HEATR5A: variants seen among roughly 807,000 people sequenced by gnomAD.
HEATR5A encodes HEAT repeat-containing protein 5A.
HEATR5A carries 178 observed loss-of-function variants against 218.8 expected under a neutral mutation model. The ratio of observed to expected loss-of-function variants is 0.81; its 90% CI spans 0.72 to 0.92. HEATR5A has a LOEUF of 0.92. Ranked by LOEUF, HEATR5A falls within the 40% of genes least tolerant of loss-of-function variation. The pLI, the probability that HEATR5A is intolerant of heterozygous loss-of-function variation, is 0.00. For missense variants in HEATR5A, 2,420 were observed against 2,418.9 expected (o/e 1.00, Z -0.01); for synonymous variants, 864 against 871.6 (o/e 0.99, Z 0.15).
intron 33 of HEATR5A, among the ~76,000 whole-genome samples, chr14:31,298,408 A>AT (rs1159783739): frequency 1.3e-5 from 2 of 152,200 alleles, no homozygotes; most frequent in South Asian, 4.2e-4. Flanking sequence ...AACACAACCC[A>AT]TTTTTTTGTG....
intron 13 of HEATR5A, among the ~76,000 whole-genome samples, chr14:31,365,581 C>T (rs896170229): frequency 3.3e-5 from 5 of 150,016 alleles, no homozygotes; most frequent in Admixed American, 1.3e-4. Context: ...AGGATGGTCT[C>T]GATCTCCTGA....
At chr14:31,355,606 T>C (rs1348484360) in intron 16 of HEATR5A, among the ~76,000 whole-genome samples, 1 of 151,484 alleles carries the variant, frequency 6.6e-6, no homozygotes, top group Non-Finnish European at 1.5e-5. Flanking sequence ...TGGGGGTGCA[T>C]GCCTGTAATC....
At chr14:31,336,765 G>T (rs915011143) in intron 22 of HEATR5A, among the ~76,000 whole-genome samples, 1 of 152,100 alleles carries the variant, frequency 6.6e-6, no homozygotes, top group Non-Finnish European at 1.5e-5. Context: ...ATTTGACTGC[G>T]GTGAAAAAAC....
chr14:31,325,312 T>C (rs1900228105), intron 23 of HEATR5A, among the ~76,000 whole-genome samples: 1 of 152,192 alleles, frequency 6.6e-6, no homozygotes, highest in African/African-American at 2.4e-5. Context: ...AACAATTATC[T>C]TGTATTACTA....
intron 10 of HEATR5A, among the ~76,000 whole-genome samples, chr14:31,381,321 T>C (rs185475264): frequency 6.6e-6 from 1 of 151,938 alleles, no homozygotes; most frequent in Admixed American, 6.6e-5. Context: ...GGTAGTATAC[T>C]ATAGTGGTTA....
intron 11 of HEATR5A, among the ~76,000 whole-genome samples, chr14:31,376,115 G>A (rs912580488): frequency 3.3e-5 from 5 of 152,218 alleles, no homozygotes; most frequent in African/African-American, 4.8e-5. Flanking sequence ...AAACCTGGAT[G>A]AGTTATTTAA....
chr14:31,301,811 T>C (rs1882391719), intron 33 of HEATR5A, among the ~76,000 whole-genome samples: 1 of 566 alleles, frequency 1.8e-3, no homozygotes, highest in African/African-American at 3.2e-3. Context: ...CAGCTTTCTT[T>C]TTTTTTTTTT....
rs571001731 is a variant in HEATR5A, at chr14:31,343,273, A to T, written c.3228+623T>A. Among the ~76,000 whole-genome samples, 96 of 152,168 alleles carry T rather than the reference A, an allele frequency of 6.3e-4. 2 individuals are homozygous for T. The highest frequency in any genetic ancestry group is 2.3e-3 in the African/African-American group (95 of 41,530). On this transcript the variant is annotated intron_variant, in intron 21 of 35. Coordinates refer to ENST00000543095, the MANE Select transcript of HEATR5A (RefSeq NM_015473.4). ...ACGCCCAGCTAATTTTTGTATTTTT[A>T]GTAGAGACGGGGTTTCACCATGTTG...
chr14:31,304,540 C>A (rs1343209941), intron 32 of HEATR5A, among the ~76,000 whole-genome samples: 3 of 152,048 alleles, frequency 2.0e-5, no homozygotes, highest in African/African-American at 7.2e-5. Context: ...GCCTTAGCCT[C>A]TTGAGTAGCT....
rs781583964 is a variant in HEATR5A at position 31,386,407 on chromosome 14, CA to C, written c.1345+12del. 13 of 1,609,104 alleles carry C rather than the reference CA, an allele frequency of 8.1e-6. No individual in the cohort carries two copies. In the African/African-American group the frequency reaches 1.6e-4, roughly 20 times the overall value. ...GTGTACAAGGTATTCCAATGAGTCACAAACAGATATACCTGTACTTGAATCC... is the reference window on the plus strand; with the variant it reads ...GTGTACAAGGTATTCCAATGAGTCACAACAGATATACCTGTACTTGAATCC... On this transcript the variant is annotated intron_variant, in intron 9 of 35. Transcript: ENST00000543095.
intron 3 of HEATR5A, among the ~76,000 whole-genome samples, chr14:31,399,986 G>C (rs564497177): frequency 1.3e-5 from 2 of 152,046 alleles, no homozygotes; most frequent in South Asian, 2.1e-4. Context: ...TCATAACCAA[G>C]AATGAATAAA....
chr14:31,382,709 C>G (rs1307180854), intron 10 of HEATR5A, among the ~76,000 whole-genome samples: 2 of 150,858 alleles, frequency 1.3e-5, no homozygotes, highest in Admixed American at 1.3e-4. Context: ...CAGAAAATGA[C>G]ATTTTTTGGT....
At chr14:31,396,721 G>A (rs982925745) in intron 4 of HEATR5A, among the ~76,000 whole-genome samples, 1 of 152,172 alleles carries the variant, frequency 6.6e-6, no homozygotes, top group Non-Finnish European at 1.5e-5. Flanking sequence ...GTGTATCACT[G>A]GTGAGTGTGG....
intron 6 of HEATR5A, among the ~76,000 whole-genome samples, chr14:31,390,104 G>C (rs896075383): frequency 6.6e-6 from 1 of 152,094 alleles, no homozygotes; most frequent in Non-Finnish European, 1.5e-5. Context: ...AAGTGTTCTA[G>C]GCAGAGGAAA....
intron 11 of HEATR5A, among the ~76,000 whole-genome samples, chr14:31,379,495 C>A (rs375317826): frequency 6.6e-6 from 1 of 152,136 alleles, no homozygotes; most frequent in Non-Finnish European, 1.5e-5. Flanking sequence ...AGTGATCCAC[C>A]CGCCTCAGCC....
In HEATR5A at chr14:31,386,436, T is replaced by C. The variant is rs1451899107; in HGVS notation, c.1329A>G (p.Leu443=). 2 of 1,613,674 alleles carry C rather than the reference T, an allele frequency of 1.2e-6. No individual in the cohort carries two copies. Among genetic ancestry groups the C allele is most frequent in the Admixed American group, 1.7e-5 (1 of 59,960 alleles). The change falls in exon 9 of 36, where the codon CTA becomes CTG. Residue 443 remains leucine, a synonymous_variant. Transcript: ENST00000543095. ...HNLGTTAAPL[L]QDSSTGLLDS... is the part of the protein sequence containing the mutation. ...CAGATATACCTGTACTTGAATCCTG[T>C]AGCAAAGGTGCCGCTGTGGTGCCAA...
intron 10 of HEATR5A, among the ~76,000 whole-genome samples, chr14:31,382,806 T>C (rs1329829644): frequency 1.3e-5 from 2 of 150,178 alleles, no homozygotes; most frequent in Non-Finnish European, 3.0e-5. Flanking sequence ...ACTGTAGTCA[T>C]TATTAATTTT....
rs1901201797 is a variant in HEATR5A, at chr14:31,350,860, C to T, written c.2412-143G>A. 13 of 551,508 alleles carry T rather than the reference C, an allele frequency of 2.4e-5. No homozygotes were observed. The South Asian group carries it at 2.8e-4, about 12-fold the overall frequency. 34.2% of individuals were successfully genotyped at this position (551,508 alleles called of 1,614,324 possible). On this transcript the variant is annotated intron_variant, in intron 16 of 35. Transcript: ENST00000543095. ...TGGCACCATCTCGGCTCACTACAAC[C>T]TCCACCTTCCTGGCTCAAGAGATTC...
At chr14:31,362,722 G>A (rs1024001699) in intron 14 of HEATR5A, among the ~76,000 whole-genome samples, 2 of 149,270 alleles carry the variant, frequency 1.3e-5, no homozygotes, top group Non-Finnish European at 3.0e-5. Flanking sequence ...AGGCTGCAGT[G>A]AGCCATGATC....
Sources: allele counts gnomAD v4.1 joint callset (sites outside exome capture counted in the v4.1 genomes callset), GRCh38; gene constraint gnomAD v4.1.1; transcripts MANE v1.5; gene names NCBI Gene and HGNC (gene_info 2026-07-23, HGNC 2026-07-21).